Variants in MTCP1 observed in about 807,000 individuals in gnomAD.
MTCP1 encodes protein p13 MTCP-1.
Under a neutral mutation model 10.6 loss-of-function variants are expected in MTCP1, and 2 were observed. The observed-to-expected ratio is 0.19, with a 90% CI of 0.08 to 0.59. The LOEUF (loss-of-function observed/expected upper bound fraction) is 0.59. Ranked by LOEUF, MTCP1 falls within the 20% of genes least tolerant of loss-of-function variation. The pLI is 0.90. For missense variants in MTCP1, 33 were observed against 91.5 expected (o/e 0.36, Z 2.61); for synonymous variants, 29 against 34.4 (o/e 0.84, Z 0.55).
intron 1 of MTCP1, among the ~76,000 whole-genome samples, chrX:155,068,806 C>T (rs2073958443): frequency 8.9e-6 from 1 of 112,412 alleles, no homozygotes; most frequent in Admixed American, 9.4e-5. Flanking sequence ...TACTTGTTTA[C>T]AAAATTCAGG....
At position 155,070,699 on chromosome X, in the gene MTCP1, TATA is replaced by T. The variant is rs1557292411; in HGVS notation, c.-56_-54del. 2.7e-5 allele frequency: 3 copies of T among 112,345 alleles called. No homozygotes were observed. The highest frequency in any genetic ancestry group is 9.7e-5 in the African/African-American group (3 of 30,864). 9.3% of individuals were successfully genotyped at this position (112,345 alleles called of 1,213,427 possible). ...TTCTGCAAAAGGTTACTCACATGAA[TATA>T]ATGTTTCTTGGGCTAATTAATCCGC... On this transcript the variant is annotated 5_prime_UTR_variant, in exon 1 of 5. Transcript: ENST00000369476.
intron 1 of MTCP1, among the ~76,000 whole-genome samples, chrX:155,067,940 CT>C (rs1279295608): frequency 3.6e-5 from 4 of 112,526 alleles, no homozygotes; most frequent in African/African-American, 9.7e-5. Flanking sequence ...CAAAGCCCCC[CT>C]TTTTTCCCAT....
intron 1 of MTCP1, among the ~76,000 whole-genome samples, chrX:155,068,766 T>C (rs1287608067): frequency 8.9e-6 from 1 of 112,507 alleles, no homozygotes; most frequent in African/African-American, 3.2e-5. Flanking sequence ...CCAAATTTAT[T>C]TGACTAGAGA....
At position 155,064,059 on chromosome X, in the gene MTCP1, T is replaced by G; in HGVS notation, c.*1345A>C. 1 of 1,148,577 alleles carries G rather than the reference T, an allele frequency of 8.7e-7. No individual in the cohort carries two copies. Among genetic ancestry groups the G allele is most frequent in the Admixed American group, 2.7e-5 (1 of 36,387 alleles). 94.7% of individuals were successfully genotyped at this position (1,148,577 alleles called of 1,213,427 possible). On this transcript the variant is annotated 3_prime_UTR_variant, in exon 5 of 5. Coordinates refer to ENST00000369476, the MANE Select transcript of MTCP1 (RefSeq NM_001018025.4). ...CTAAAACAAGAAAAATGATTTTTATTTTTCTTTTTTCCATAAAGACTTTAA... is the reference window on the plus strand; with the variant it reads ...CTAAAACAAGAAAAATGATTTTTATGTTTCTTTTTTCCATAAAGACTTTAA...
Position 155,071,104 on chromosome X carries a change from T to TGCCCAGGCGCCC in MTCP1, c.-470_-459dup, listed in dbSNP as rs1557292444. On this transcript the variant is annotated 5_prime_UTR_variant, in exon 1 of 5. Transcript: ENST00000369476. ...TGGGCGCCGGTACTCGGGAGGCGCC[T>TGCCCAGGCGCCC]GCCCAGGCGCCCGGGCGCCGCTCAC... The TGCCCAGGCGCCC allele has an allele frequency of 2.7e-5, 3 of 110,682 alleles. No homozygotes were observed. Among genetic ancestry groups the TGCCCAGGCGCCC allele is most frequent in the African/African-American group, 9.8e-5 (3 of 30,690 alleles). 9.1% of individuals were successfully genotyped at this position (110,682 alleles called of 1,213,427 possible). A position where few individuals can be genotyped will look rare whatever the true frequency, so the allele number is the denominator to read the frequency against.
chrX:155,065,854 C>A, intron 2 of MTCP1, 52 bp downstream of exon 2: 3 of 1,198,063 alleles, frequency 2.5e-6, no homozygotes, highest in Non-Finnish European at 3.4e-6. Context: ...GGAATAGAAA[C>A]CAAGTTACTT....
rs1557291998 is a variant in MTCP1 at position 155,066,050 on chromosome X, A to G, written c.-40T>C. The stretch of plus-strand genomic sequence containing the variant: ...TCCAATTCTAGCCCTGCTTTTCTCC[A>G]CCTAAGCCTGCAGCACCCGCGCACA... On this transcript the variant is annotated 5_prime_UTR_variant, in exon 2 of 5. Transcript: ENST00000369476. 1 of 1,098,260 alleles carries G rather than the reference A, an allele frequency of 9.1e-7. No homozygotes were observed. Among genetic ancestry groups the G allele is most frequent in the Non-Finnish European group, 1.3e-6 (1 of 795,828 alleles). The allele number at this position is 1,098,260 out of a possible 1,213,427, so 90.5% of individuals were successfully genotyped here.
At chrX:155,066,099 T>C in intron 1 of MTCP1, 42 bp from the exon 2 acceptor site, 1 of 712,846 alleles carries the variant, frequency 1.4e-6, no homozygotes, top group Non-Finnish European at 2.1e-6. Flanking sequence ...ACTTTTTGGG[T>C]TTGAATGAAC....
intron 1 of MTCP1, among the ~76,000 whole-genome samples, chrX:155,066,925 A>G (rs1008812549): frequency 4.5e-5 from 5 of 112,141 alleles, no homozygotes; most frequent in African/African-American, 1.3e-4. Context: ...GGCAAACTCT[A>G]TAACGATCCT....
Position 155,065,499 on chromosome X carries a change from A to C in MTCP1, c.315T>G (p.Pro105=). The part of the protein sequence containing the change: ...GVQELLLKLL[P]DD ...AGAAATACATACCAGGTTAGTCATC[A>C]GGCAAAAGCTTAAGCAACAGCTCCT... Residue 105 remains proline, a synonymous_variant, in exon 4 of 5, where the codon CCT becomes CCG. Coordinates refer to ENST00000369476, the MANE Select transcript of MTCP1 (RefSeq NM_001018025.4). 8.3e-7 allele frequency: 1 copy of C among 1,210,846 alleles called. No homozygotes were observed. Among genetic ancestry groups the C allele is most frequent in the Non-Finnish European group, 1.1e-6 (1 of 894,237 alleles).
At chrX:155,070,045 A>G (rs2073965353) in intron 1 of MTCP1, among the ~76,000 whole-genome samples, 1 of 112,267 alleles carries the variant, frequency 8.9e-6, no homozygotes, top group Non-Finnish European at 1.9e-5. Flanking sequence ...CTTCATCATG[A>G]TCAAATTAAT....
chrX:155,067,664 CT>C (rs1305025058), intron 1 of MTCP1, among the ~76,000 whole-genome samples: 1 of 112,437 alleles, frequency 8.9e-6, no homozygotes, highest in Non-Finnish European at 1.9e-5. Flanking sequence ...ACAAAGTCAC[CT>C]TACACATTTG....
chrX:155,064,072 A>G lies in MTCP1; in HGVS notation c.*1332T>C. 7.2e-6 allele frequency: 8 copies of G among 1,104,042 alleles called. No homozygotes were observed. The highest frequency in any genetic ancestry group is 9.8e-6 in the Non-Finnish European group (8 of 819,722). 91.0% of individuals were successfully genotyped at this position (1,104,042 alleles called of 1,213,427 possible). A position where few individuals can be genotyped will look rare whatever the true frequency, so the allele number is the denominator to read the frequency against. ...AATGATTTTTATTTTTCTTTTTTCC[A>G]TAAAGACTTTAAAGCCCCTCTACGT... is the stretch of plus-strand genomic sequence containing the variant. On this transcript the variant is annotated 3_prime_UTR_variant, in exon 5 of 5. Coordinates refer to ENST00000369476, the MANE Select transcript of MTCP1 (RefSeq NM_001018025.4).
At chrX:155,068,999 T>TCC (rs1557292213) in intron 1 of MTCP1, among the ~76,000 whole-genome samples, 1 of 112,314 alleles carries the variant, frequency 8.9e-6, no homozygotes, top group African/African-American at 3.2e-5. Flanking sequence ...GAAGAGATTG[T>TCC]CCCCATGAGG....
At position 155,065,270 on chromosome X, in the gene MTCP1, T is replaced by C; in HGVS notation, c.*134A>G. On this transcript the variant is annotated 3_prime_UTR_variant, in exon 5 of 5. Transcript: ENST00000369476. ...TTCTTCATGACCCTTGCTAAACTTC[T>C]GTTTCTTGAGCAGTTTTTCAACCCA... The C allele has an allele frequency of 2.3e-6, 1 of 435,346 alleles. No homozygotes were observed. The highest frequency in any genetic ancestry group is 3.9e-5 in the South Asian group (1 of 25,440). 35.9% of individuals were successfully genotyped at this position (435,346 alleles called of 1,213,427 possible). A position where few individuals can be genotyped will look rare whatever the true frequency, so the allele number is the denominator to read the frequency against.
At chrX:155,070,361 C>G (rs1557292347) in intron 1 of MTCP1, among the ~76,000 whole-genome samples, 1 of 112,200 alleles carries the variant, frequency 8.9e-6, no homozygotes, top group South Asian at 3.7e-4. Flanking sequence ...TTTAGAATCG[C>G]TTTCAAAATC....
chrX:155,064,315 G>A lies in MTCP1; in HGVS notation c.*1089C>T, dbSNP rs1557291859. 2 of 185,916 alleles carry A rather than the reference G, an allele frequency of 1.1e-5. No homozygotes were observed. Among genetic ancestry groups the A allele is most frequent in the Non-Finnish European group, 2.0e-5 (2 of 100,864 alleles). The allele number at this position is 185,916 out of a possible 1,213,427, so 15.3% of individuals were successfully genotyped here. A position where few individuals can be genotyped will look rare whatever the true frequency, so the allele number is the denominator to read the frequency against. On this transcript the variant is annotated 3_prime_UTR_variant, in exon 5 of 5. Transcript: ENST00000369476. ...AAACCAACGTTAGGCTAGAGGAGCC[G>A]ACGGCGCAGCCTGGCTCTATCATTC...
In MTCP1 at chrX:155,066,077, G is replaced by T; in HGVS notation, c.-47-20C>A. 1.1e-6 allele frequency: 1 copy of T among 905,497 alleles called. No homozygotes were observed. Among genetic ancestry groups the T allele is most frequent in the Non-Finnish European group, 1.6e-6 (1 of 632,321 alleles). 74.6% of individuals were successfully genotyped at this position (905,497 alleles called of 1,213,427 possible). ...CTAAGCCTGCAGCACCCGCGCACAG[G>T]ACACAGGTGTGACTTTTTGGGTTTG... On this transcript the variant is annotated intron_variant, in intron 1 of 4. Transcript: ENST00000369476.
intron 2 of MTCP1, 53 bp from the exon 3 acceptor site, chrX:155,065,842 C>A: frequency 1.7e-6 from 2 of 1,197,486 alleles, no homozygotes; most frequent in African/African-American, 3.5e-5. Flanking sequence ...AATATTGAGA[C>A]TGGAATAGAA....
Sources: allele counts gnomAD v4.1 joint callset (sites outside exome capture counted in the v4.1 genomes callset), GRCh38; gene constraint gnomAD v4.1.1; transcripts MANE v1.5; gene names NCBI Gene and HGNC (gene_info 2026-07-23, HGNC 2026-07-21).